DCX: variants seen among roughly 807,000 people sequenced by gnomAD.
DCX encodes neuronal migration protein doublecortin.
A neutral mutation model predicts 20.9 loss-of-function variants in DCX; 4 were observed. The observed-to-expected ratio is 0.19, with a 90% CI of 0.09 to 0.44. DCX has a LOEUF of 0.44. Ranked by LOEUF, DCX falls within the 20% of genes least tolerant of loss-of-function variation. The pLI is 0.99. For synonymous variants in DCX, 103 were observed against 111.4 expected (o/e 0.92, Z 0.47); for missense variants, 133 against 296.9 (o/e 0.45, Z 4.06).
chrX:111,411,840 C>A, intron 1 of DCX: 1 of 111,640 alleles, frequency 9.0e-6, no homozygotes, highest in Non-Finnish European at 1.9e-5. Flanking sequence ...TGGTAAGAGA[C>A]CCCACCTCCT....
chrX:111,355,043 C>A (rs1923618778), intron 3 of DCX, among the ~76,000 whole-genome samples: 1 of 112,399 alleles, frequency 8.9e-6, no homozygotes, highest in Non-Finnish European at 1.9e-5. Flanking sequence ...GTCTAATTTT[C>A]TTTGCATTTA....
Position 111,412,131 on chromosome X carries a change from C to G in DCX, c.-23+7G>C, listed in dbSNP as rs182113668. 1.8e-5 allele frequency: 2 copies of G among 111,640 alleles called. No individual in the cohort carries two copies. The highest frequency in any genetic ancestry group is 6.5e-5 in the African/African-American group (2 of 30,733). The allele number at this position is 111,640 out of a possible 1,213,427, so 9.2% of individuals were successfully genotyped here. On this transcript the variant is annotated splice_region_variant and intron_variant, in intron 1 of 6. Coordinates refer to ENST00000636035, the MANE Select transcript of DCX (RefSeq NM_001195553.2). ...CTTCTTGAAAATCACTTAAAAGCCC[C>G]ACTCACCGGTTTTCTGCTGGTTGGG...
At chrX:111,306,941 T>C (rs1383591002) in intron 6 of DCX, among the ~76,000 whole-genome samples, 2 of 111,230 alleles carry the variant, frequency 1.8e-5, no homozygotes, top group Non-Finnish European at 3.8e-5. Context: ...ATATGAAATG[T>C]TTCAAATATG....
chrX:111,393,972 C>T (rs1178433299), intron 3 of DCX, among the ~76,000 whole-genome samples: 1 of 111,544 alleles, frequency 9.0e-6, no homozygotes, highest in African/African-American at 3.3e-5. Context: ...CTATACAGCC[C>T]AGCAATGCCA....
chrX:111,367,697 G>T lies in DCX; in HGVS notation c.705+33293C>A, dbSNP rs535599766. Among the ~76,000 whole-genome samples, 36 of 111,617 alleles carry T rather than the reference G, an allele frequency of 3.2e-4. No homozygotes were observed. In the South Asian group the frequency reaches 0.013, roughly 41 times the overall value. Reference sequence around the variant, plus strand: ...AATGTGCTGTGTAGTAGGGTACGTGGCGGCCCTTTGAGGCAGACGTTATAA... The same window carrying T: ...AATGTGCTGTGTAGTAGGGTACGTGTCGGCCCTTTGAGGCAGACGTTATAA... On this transcript the variant is annotated intron_variant, in intron 3 of 6. Transcript: ENST00000636035.
intron 2 of DCX, among the ~76,000 whole-genome samples, chrX:111,406,504 G>A (rs1280748935): frequency 3.6e-5 from 4 of 111,361 alleles, no homozygotes; most frequent in African/African-American, 1.3e-4. Flanking sequence ...CACCCTAATG[G>A]ATAGAGAAGG....
At chrX:111,302,828 A>G (rs775088683) in intron 6 of DCX, among the ~76,000 whole-genome samples, 7 of 111,714 alleles carry the variant, frequency 6.3e-5, no homozygotes, top group African/African-American at 1.9e-4. Context: ...AAGTTTTAAC[A>G]GTTATTTTAT....
rs17307405 is a variant in DCX at position 111,303,718 on chromosome X, G to T, written c.1045-1975C>A. Among the ~76,000 whole-genome samples, 651 of 111,512 alleles carry T rather than the reference G, an allele frequency of 5.8e-3. 4 individuals carry two copies. The highest frequency in any genetic ancestry group is 9.7e-3 in the Non-Finnish European group (512 of 53,050). The stretch of plus-strand genomic sequence containing the variant: ...TCTTCCAGCTCTGAGACTATAATTT[G>T]GGGGTCCTAAAGGGATATTGAATGA... On this transcript the variant is annotated intron_variant, in intron 6 of 6. Coordinates refer to ENST00000636035, the MANE Select transcript of DCX (RefSeq NM_001195553.2).
chrX:111,371,979 A>G (rs192810917), intron 3 of DCX, among the ~76,000 whole-genome samples: 126 of 109,711 alleles, frequency 1.1e-3, no homozygotes, highest in African/African-American at 4.0e-3. Flanking sequence ...CTTCCCTAGA[A>G]TTTGTCTAAT....
rs56304092 is a variant in DCX, at chrX:111,371,933, TACACACACAC to T, written c.705+29047_705+29056del. Among the ~76,000 whole-genome samples the T allele has an allele frequency of 3.9e-3, 377 of 97,474 alleles. 3 individuals are homozygous for T. Among genetic ancestry groups the T allele is most frequent in the African/African-American group, 0.013 (355 of 27,431 alleles). 84.6% of individuals were successfully genotyped at this position (97,474 alleles called of 115,157 possible). On this transcript the variant is annotated intron_variant, in intron 3 of 6. Transcript: ENST00000636035. ...ATACAGTATTATATAGATATATGTG[TACACACACAC>T]ACACACACACACACACACACACACA...
chrX:111,342,546 C>T (rs1312507573), intron 3 of DCX, among the ~76,000 whole-genome samples: 1 of 105,652 alleles, frequency 9.5e-6, no homozygotes, highest in African/African-American at 3.4e-5. Flanking sequence ...GACTTTAACT[C>T]AGCTCTGGAT....
rs1295331189 is a variant in DCX, at chrX:111,299,188, A to G, written c.*2499T>C. ...AATTTAAAATGCAATTAATTATTGG[A>G]GACTTAAATTTTGGACTATGCCAAG... On this transcript the variant is annotated 3_prime_UTR_variant, in exon 7 of 7. Coordinates refer to ENST00000636035, the MANE Select transcript of DCX (RefSeq NM_001195553.2). The G allele has an allele frequency of 9.0e-6, 1 of 111,340 alleles. No homozygotes were observed. Among genetic ancestry groups the G allele is most frequent in the East Asian group, 2.8e-4 (1 of 3,546 alleles). 9.2% of individuals were successfully genotyped at this position (111,340 alleles called of 1,213,427 possible).
At chrX:111,350,529 C>A (rs1451831949) in intron 3 of DCX, among the ~76,000 whole-genome samples, 2 of 111,322 alleles carry the variant, frequency 1.8e-5, no homozygotes, top group Non-Finnish European at 3.8e-5. Flanking sequence ...GACCAAATGT[C>A]TACAAAAAAA....
At chrX:111,360,530 GGC>G (rs1324671530) in intron 3 of DCX, among the ~76,000 whole-genome samples, 2 of 111,327 alleles carry the variant, frequency 1.8e-5, no homozygotes, top group Non-Finnish European at 3.8e-5. Flanking sequence ...ACTATTTGAT[GGC>G]ACAACAGGGT....
chrX:111,342,339 T>TCATA (rs1922326012), intron 3 of DCX, among the ~76,000 whole-genome samples: 2 of 20,730 alleles, frequency 9.6e-5, no homozygotes, highest in Non-Finnish European at 2.4e-4. Flanking sequence ...GAGCTAACTA[T>TCATA]TATATATATA....
At chrX:111,394,351 G>A (rs1162099079) in intron 3 of DCX, among the ~76,000 whole-genome samples, 1 of 111,564 alleles carries the variant, frequency 9.0e-6, no homozygotes, top group Non-Finnish European at 1.9e-5. Context: ...GAGAACTAGA[G>A]GGCAATGTCT....
chrX:111,338,291 A>T (rs1921909304), intron 3 of DCX, among the ~76,000 whole-genome samples: 1 of 111,799 alleles, frequency 8.9e-6, no homozygotes, highest in African/African-American at 3.3e-5. Flanking sequence ...GTCTATGAGG[A>T]GGAGTGGCCA....
At chrX:111,322,672 C>T (rs2095089307) in intron 5 of DCX, among the ~76,000 whole-genome samples, 1 of 112,057 alleles carries the variant, frequency 8.9e-6, no homozygotes, top group Non-Finnish European at 1.9e-5. Flanking sequence ...GTCTGGATTG[C>T]TTTGGCTAAT....
intron 3 of DCX, among the ~76,000 whole-genome samples, chrX:111,387,099 C>T (rs1926581422): frequency 9.0e-6 from 1 of 111,630 alleles, no homozygotes; most frequent in Admixed American, 9.5e-5. Flanking sequence ...CATTGCTTAG[C>T]CCATGTGACC....
Sources: gnomAD v4.1 joint callset for allele counts (sites outside exome capture counted in the v4.1 genomes callset) on GRCh38, gnomAD v4.1.1 for gene constraint, MANE v1.5 for transcripts, NCBI Gene and HGNC (gene_info 2026-07-23, HGNC 2026-07-21) for gene names.